Variants in UNC5C observed in about 807,000 individuals in gnomAD.
UNC5C encodes unc-5 netrin receptor C, also known as netrin receptor UNC5C.
Under a neutral mutation model 99.8 loss-of-function variants are expected in UNC5C, and 47 were observed. The observed-to-expected ratio is 0.47, with a 90% confidence interval of 0.37 to 0.60. The LOEUF is 0.60. UNC5C is among the 20% of genes least tolerant of loss of function. The pLI is 0.00. For missense variants in UNC5C, 1,062 were observed against 1,165.9 expected (o/e 0.91, Z 1.30); for synonymous variants, 487 against 452.2 (o/e 1.08, Z -0.98).
chr4:95,218,886 A>G, intron 9 of UNC5C, 83 bp downstream of exon 9: 1 of 1,375,566 alleles, frequency 7.3e-7, no homozygotes, highest in Non-Finnish European at 9.7e-7. Context: ...GCCTAATGAA[A>G]ACATCCCACG....
intron 2 of UNC5C, among the ~76,000 whole-genome samples, chr4:95,306,460 G>A (rs574573345): frequency 5.9e-5 from 9 of 151,898 alleles, no homozygotes; most frequent in South Asian, 4.1e-4. Flanking sequence ...CCTCGGCCTC[G>A]CAAAGTGATG....
intron 1 of UNC5C, among the ~76,000 whole-genome samples, chr4:95,356,193 C>CAAAAAAAAAAAAAAA (rs59097041): frequency 6.9e-5 from 4 of 58,002 alleles, no homozygotes; most frequent in African/African-American, 2.4e-4. Flanking sequence ...GACCCTGTAG[C>CAAAAAAAAAAAAAAA]AAAAAAAAAA....
chr4:95,359,051 T>C (rs1027835326), intron 1 of UNC5C, among the ~76,000 whole-genome samples: 1 of 152,186 alleles, frequency 6.6e-6, no homozygotes, highest in East Asian at 1.9e-4. Context: ...AATTAAATTC[T>C]ACATCAAAAG....
intron 14 of UNC5C, among the ~76,000 whole-genome samples, chr4:95,179,635 T>TACTC (rs543362742): frequency 6.4e-4 from 96 of 150,568 alleles, no homozygotes; most frequent in African/African-American, 2.0e-3. Context: ...TGATCCCAGC[T>TACTC]ACTCAGGAGG....
intron 1 of UNC5C, among the ~76,000 whole-genome samples, chr4:95,429,280 TA>T (rs112203195): frequency 0.038 from 3,598 of 94,906 alleles, 150 homozygotes; most frequent in African/African-American, 0.1. Flanking sequence ...TAGTGATTCT[TA>T]AAAAAAAAAA....
chr4:95,387,180 C>T (rs71601272), intron 1 of UNC5C, among the ~76,000 whole-genome samples: 1 of 152,062 alleles, frequency 6.6e-6, no homozygotes, highest in African/African-American at 2.4e-5. Flanking sequence ...ACTCTCTCAC[C>T]CAGGCTGGAG....
At chr4:95,541,421 T>C (rs536176157) in intron 1 of UNC5C, among the ~76,000 whole-genome samples, 3 of 152,242 alleles carry the variant, frequency 2.0e-5, no homozygotes, top group East Asian at 3.9e-4. Context: ...CAGGCATCCA[T>C]TGGGGGTCTT....
intron 12 of UNC5C, among the ~76,000 whole-genome samples, chr4:95,194,284 T>G (rs1414353647): frequency 1.3e-5 from 2 of 152,232 alleles, no homozygotes; most frequent in African/African-American, 2.4e-5. Flanking sequence ...TCTAGGACTT[T>G]TGAAGTCATC....
At chr4:95,252,524 T>C (rs2149382725) in intron 4 of UNC5C, among the ~76,000 whole-genome samples, 1 of 152,300 alleles carries the variant, frequency 6.6e-6, no homozygotes, top group East Asian at 1.9e-4. Flanking sequence ...GGTGCAGAAA[T>C]ATGACTTCTG....
intron 14 of UNC5C, among the ~76,000 whole-genome samples, chr4:95,175,756 C>T (rs1736315972): frequency 6.6e-6 from 1 of 152,146 alleles, no homozygotes; most frequent in African/African-American, 2.4e-5. Flanking sequence ...ATCTTTGTGG[C>T]ATTCTCTGTA....
At chr4:95,212,770 C>T (rs1406218420) in intron 10 of UNC5C, among the ~76,000 whole-genome samples, 2 of 152,200 alleles carry the variant, frequency 1.3e-5, no homozygotes, top group Non-Finnish European at 2.9e-5. Context: ...TGTCACAGTG[C>T]CCCAGGCTTG....
intron 1 of UNC5C, among the ~76,000 whole-genome samples, chr4:95,482,093 T>G (rs2149478220): frequency 6.6e-6 from 1 of 152,054 alleles, no homozygotes; most frequent in African/African-American, 2.4e-5. Flanking sequence ...GGAAGAAAAT[T>G]TTTGCAACCT....
At chr4:95,218,742 G>A (rs1397864839) in intron 9 of UNC5C, among the ~76,000 whole-genome samples, 1 of 152,180 alleles carries the variant, frequency 6.6e-6, no homozygotes, top group African/African-American at 2.4e-5. Flanking sequence ...AAAGTTGTGA[G>A]TATAGAATTT....
chr4:95,179,746 CAAAAAAAAA>C (rs33974336), intron 14 of UNC5C, among the ~76,000 whole-genome samples: 7 of 98,528 alleles, frequency 7.1e-5, no homozygotes, highest in Admixed American at 3.4e-4. Context: ...GACTCCTTCT[CAAAAAAAAA>C]AAAAAAAAAA....
intron 3 of UNC5C, 123 bp from the exon 4 acceptor site, chr4:95,278,485 T>C (rs1740941377): frequency 1.4e-6 from 1 of 720,562 alleles, no homozygotes; most frequent in Admixed American, 2.6e-5. Flanking sequence ...TTTTTTCTTT[T>C]TTTTTTTGAG....
intron 12 of UNC5C, among the ~76,000 whole-genome samples, chr4:95,189,311 C>T (rs1202879444): frequency 1.3e-5 from 2 of 152,190 alleles, no homozygotes; most frequent in Admixed American, 6.5e-5. Context: ...TAGACACCTT[C>T]TTTCTTGCTC....
intron 5 of UNC5C, chr4:95,248,095 T>A (rs1295599061): frequency 2.6e-5 from 4 of 153,056 alleles, no homozygotes; most frequent in Admixed American, 2.6e-4. Flanking sequence ...AAATGACATT[T>A]TTAAAGCAGC....
intron 1 of UNC5C, among the ~76,000 whole-genome samples, chr4:95,498,432 T>G (rs896922703): frequency 6.6e-6 from 1 of 152,016 alleles, no homozygotes; most frequent in Non-Finnish European, 1.5e-5. Flanking sequence ...TTCCTTTGAC[T>G]AGTTGAAAAG....
chr4:95,307,007 T>C (rs1742084897), intron 2 of UNC5C, among the ~76,000 whole-genome samples: 1 of 152,190 alleles, frequency 6.6e-6, no homozygotes, highest in African/African-American at 2.4e-5. Context: ...CTAGATGTCT[T>C]AATATTAATT....
Sources: allele counts gnomAD v4.1 joint callset (sites outside exome capture counted in the v4.1 genomes callset), GRCh38; gene constraint gnomAD v4.1.1; transcripts MANE v1.5; gene names NCBI Gene and HGNC (gene_info 2026-07-23, HGNC 2026-07-21).